TAF1B: variants seen among roughly 807,000 people sequenced by gnomAD.
TAF1B encodes TATA-box binding protein associated factor, RNA polymerase I subunit B.
Under a neutral mutation model 83.9 loss-of-function variants are expected in TAF1B, and 61 were observed. That is an observed-to-expected ratio of 0.73 (90% CI 0.59 to 0.90). The LOEUF (loss-of-function observed/expected upper bound fraction) is 0.90, where lower values mean the gene tolerates loss of function less well. Among genes scored for constraint, TAF1B ranks in the 40% least tolerant of loss-of-function variants. The probability of loss-of-function intolerance (pLI) is 0.00; values close to 1 mark genes in which losing one functional copy is unlikely to be tolerated. For missense variants in TAF1B, 625 were observed against 677.0 expected (o/e 0.92, Z 0.85); for synonymous variants, 221 against 224.6 (o/e 0.98, Z 0.14).
rs1663543553 is a variant in TAF1B at position 9,855,728 on chromosome 2, AT to A, written c.399+1308del. Among the ~76,000 whole-genome samples the A allele has an allele frequency of 2.0e-5, 3 of 152,130 alleles. No individual in the cohort carries two copies. The South Asian group carries it at 6.2e-4, about 32-fold the overall frequency. On this transcript the variant is annotated intron_variant, in intron 5 of 14. Coordinates refer to ENST00000263663, the MANE Select transcript of TAF1B (RefSeq NM_005680.3). ...TAATATACCCAACCTACCGAACATC[AT>A]AGCTTAGTCTAGCCCACTTTGAACA... is the stretch of plus-strand genomic sequence containing the variant.
At chr2:9,882,918 G>T in intron 8 of TAF1B, 113 bp downstream of exon 8, 4 of 659,794 alleles carry the variant, frequency 6.1e-6, no homozygotes, top group South Asian at 2.6e-5. Flanking sequence ...ATCCCAATAT[G>T]GAACATCAGT....
At chr2:9,902,685 A>G (rs958750557) in intron 8 of TAF1B, among the ~76,000 whole-genome samples, 3 of 152,210 alleles carry the variant, frequency 2.0e-5, no homozygotes, top group African/African-American at 4.8e-5. Context: ...AGTTTTCACA[A>G]ATAGTGTTGT....
At chr2:9,890,513 G>A (rs1664837753) in intron 8 of TAF1B, among the ~76,000 whole-genome samples, 1 of 152,036 alleles carries the variant, frequency 6.6e-6, no homozygotes, top group African/African-American at 2.4e-5. Context: ...CTCTGTTCAT[G>A]AATATTGTCA....
At chr2:9,863,860 C>A (rs922042866) in intron 5 of TAF1B, among the ~76,000 whole-genome samples, 1 of 152,140 alleles carries the variant, frequency 6.6e-6, no homozygotes, top group African/African-American at 2.4e-5. Flanking sequence ...GGGTACATAA[C>A]GAAATGAAGG....
At position 9,851,584 on chromosome 2, in the gene TAF1B, T is replaced by TGG; in HGVS notation, c.249_250insGG (p.Leu84GlyfsTer9). ...ATGTGTGTGAAGGTTTCCAGTATATTCTTTATCAACAAGCAGAAGCCTTAA... is the reference window on the plus strand; with the variant it reads ...ATGTGTGTGAAGGTTTCCAGTATATTGGCTTTATCAACAAGCAGAAGCCTTAA... On this transcript the variant is annotated frameshift_variant, in exon 4 of 15. Transcript: ENST00000263663. LOFTEE classifies it high-confidence loss of function. 2 of 1,612,870 alleles carry TGG rather than the reference T, an allele frequency of 1.2e-6. No homozygotes were observed. Among genetic ancestry groups the TGG allele is most frequent in the Non-Finnish European group, 1.7e-6 (2 of 1,179,682 alleles).
At position 9,914,663 on chromosome 2, in the gene TAF1B, T is replaced by A. The variant is rs1192243483; in HGVS notation, c.1271+1414T>A. On this transcript the variant is annotated intron_variant, in intron 12 of 14. Transcript: ENST00000263663. This position sits in a 1 kb window ranked among gnomAD's most constrained non-coding sequence, Gnocchi z 4.3. Reference sequence around the variant, plus strand: ...ACCGGCTTTTAGCTACTTTAGGGAATAATTTATTGGCCAAAGAAAGTAAGT... The same window carrying A: ...ACCGGCTTTTAGCTACTTTAGGGAAAAATTTATTGGCCAAAGAAAGTAAGT... 6.6e-6 allele frequency among the ~76,000 whole-genome samples: 1 copy of A among 152,196 alleles called. No homozygotes were observed. Among genetic ancestry groups the A allele is most frequent in the Non-Finnish European group, 1.5e-5 (1 of 68,040 alleles).
At chr2:9,903,571 A>C (rs902441423) in intron 8 of TAF1B, among the ~76,000 whole-genome samples, 16 of 152,234 alleles carry the variant, frequency 1.1e-4, no homozygotes, top group African/African-American at 3.9e-4. Context: ...TTTGTAAGAG[A>C]ATCTTATATA....
intron 1 of TAF1B, 101 bp downstream of exon 1, chr2:9,843,660 C>T: frequency 1.5e-6 from 2 of 1,305,626 alleles, no homozygotes; most frequent in Non-Finnish European, 1.0e-6. Context: ...GGCGGCGACG[C>T]CACCGGCTGG....
chr2:9,865,205 C>G lies in TAF1B; in HGVS notation c.400-3071C>G, dbSNP rs375229370. On this transcript the variant is annotated intron_variant, in intron 5 of 14. Transcript: ENST00000263663. ...TCTAGAGAACCCCATTGTCTCAGCC[C>G]AAAATCTCCTTAAGCTGATAAGCAA... Among the ~76,000 whole-genome samples, 55 of 152,216 alleles carry G rather than the reference C, an allele frequency of 3.6e-4. 1 individual carries two copies. In the East Asian group the frequency reaches 0.01, roughly 28 times the overall value.
chr2:9,862,375 C>T (rs758883014), intron 5 of TAF1B, among the ~76,000 whole-genome samples: 94 of 151,988 alleles, frequency 6.2e-4, no homozygotes, highest in African/African-American at 1.3e-3. Context: ...TGAAATGAAG[C>T]GAGAAGAGAA....
chr2:9,877,943 CT>C (rs1553286185), intron 7 of TAF1B, among the ~76,000 whole-genome samples: 1 of 151,950 alleles, frequency 6.6e-6, no homozygotes, highest in Non-Finnish European at 1.5e-5. Flanking sequence ...TTGTTTTGCT[CT>C]GTGGAATACA....
Position 9,868,373 on chromosome 2 carries a change from C to A in TAF1B, c.497C>A (p.Ser166Tyr), listed in dbSNP as rs1399559523. Residue 166 changes from serine to tyrosine, a missense_variant, in exon 6 of 15, where the codon TCT becomes TAT. Physicochemically the swap from Ser to Tyr is moderately radical, Grantham distance 144. Transcript: ENST00000263663. ...CCTTTTCTTGAAAGTGGAGCGGAGT[C>A]TCAGTCTGACATCCACACTCGAAAA... ...CPPFLESGAE[S>Y]QSDIHTRKPF... The A allele has an allele frequency of 6.2e-7, 1 of 1,614,118 alleles. No individual in the cohort carries two copies.
At chr2:9,881,881 A>G (rs574771950) in intron 7 of TAF1B, among the ~76,000 whole-genome samples, 1 of 152,300 alleles carries the variant, frequency 6.6e-6, no homozygotes, top group African/African-American at 2.4e-5. Flanking sequence ...CCACTCCTTA[A>G]TGGTTCTTTC....
At chr2:9,915,664 C>T (rs2357390) in intron 12 of TAF1B, among the ~76,000 whole-genome samples, 79,087 of 151,600 alleles carry the variant, frequency 0.52, 23,216 homozygotes, top group Non-Finnish European at 0.68. Context: ...AAAATGGTAC[C>T]GCTATTTTGA....
At chr2:9,877,444 G>C (rs781318092) in intron 7 of TAF1B, among the ~76,000 whole-genome samples, 32 of 152,160 alleles carry the variant, frequency 2.1e-4, no homozygotes, top group Non-Finnish European at 4.4e-5. Flanking sequence ...TACGTACACT[G>C]TTGGTCAATT....
Position 9,934,138 on chromosome 2 carries a change from T to A in TAF1B, c.*154T>A. 1 of 625,056 alleles carries A rather than the reference T, an allele frequency of 1.6e-6. No individual in the cohort carries two copies. Among genetic ancestry groups the A allele is most frequent in the Non-Finnish European group, 2.7e-6 (1 of 373,744 alleles). The allele number at this position is 625,056 out of a possible 1,614,324, so 38.7% of individuals were successfully genotyped here. ...TATATATCAAGTGTGCTTAGAAAAA[T>A]GTATATTGTAAAGCAGGTGAGCTTC... On this transcript the variant is annotated 3_prime_UTR_variant, in exon 15 of 15. Transcript: ENST00000263663.
intron 1 of TAF1B, 90 bp downstream of exon 1, chr2:9,843,649 G>A (rs1174579045): frequency 7.5e-7 from 1 of 1,340,738 alleles, no homozygotes; most frequent in East Asian, 3.0e-5. Flanking sequence ...CCGCGGGTTG[G>A]GGCGGCGACG....
At chr2:9,879,300 A>G (rs561186560) in intron 7 of TAF1B, among the ~76,000 whole-genome samples, 2 of 152,328 alleles carry the variant, frequency 1.3e-5, no homozygotes, top group South Asian at 4.1e-4. Context: ...GAATGCAAGC[A>G]CTGCAACACT....
intron 14 of TAF1B, among the ~76,000 whole-genome samples, chr2:9,933,230 G>A (rs34878262): frequency 0.23 from 34,384 of 152,120 alleles, 5,137 homozygotes; most frequent in African/African-American, 0.43. Context: ...GAAATCACCC[G>A]TCTTCTGATC....
Sources: allele counts gnomAD v4.1 joint callset (sites outside exome capture counted in the v4.1 genomes callset), GRCh38; gene constraint gnomAD v4.1.1; non-coding constraint Gnocchi (gnomAD v3.1); transcripts MANE v1.5; gene names NCBI Gene and HGNC (gene_info 2026-07-23, HGNC 2026-07-21).